The following ASTN2 variants were observed in gnomAD, a reference collection of about 807,000 sequenced individuals.
The protein encoded by ASTN2 is astrotactin-2.
A neutral mutation model predicts 139.8 loss-of-function variants in ASTN2; 54 were observed. That is an observed-to-expected ratio of 0.39 (90% CI 0.31 to 0.48). The LOEUF (loss-of-function observed/expected upper bound fraction) is 0.48. ASTN2 is among the 20% of genes least tolerant of loss of function. The probability of loss-of-function intolerance (pLI) is 0.95; values close to 1 mark genes in which losing one functional copy is unlikely to be tolerated. For missense variants in ASTN2, 1,565 were observed against 1,725.1 expected (o/e 0.91, Z 1.64); for synonymous variants, 756 against 719.5 (o/e 1.05, Z -0.81).
intron 3 of ASTN2, among the ~76,000 whole-genome samples, chr9:117,167,954 G>C (rs918979339): frequency 2.0e-5 from 3 of 152,138 alleles, no homozygotes; most frequent in Admixed American, 2.0e-4. Context: ...TTTTAGAGAG[G>C]TTATCAAGGT....
intron 1 of ASTN2, among the ~76,000 whole-genome samples, chr9:117,299,911 C>T (rs573571176): frequency 6.2e-4 from 94 of 152,266 alleles, no homozygotes; most frequent in Non-Finnish European, 1.1e-3. Context: ...CTCTACAGCA[C>T]CTGACTGGTA....
intron 6 of ASTN2, among the ~76,000 whole-genome samples, chr9:117,012,182 C>T (rs1045996066): frequency 2.0e-5 from 3 of 152,174 alleles, no homozygotes; most frequent in African/African-American, 7.2e-5. Context: ...AATGCCTCCA[C>T]GTTGATCTCA....
chr9:116,948,431 C>T (rs1835458337), intron 10 of ASTN2, among the ~76,000 whole-genome samples: 1 of 152,130 alleles, frequency 6.6e-6, no homozygotes, highest in African/African-American at 2.4e-5. Context: ...CCCAAGCTAA[C>T]TCCTAGGTCT....
chr9:117,017,686 G>GT (rs1033340846), intron 6 of ASTN2, among the ~76,000 whole-genome samples: 2 of 151,992 alleles, frequency 1.3e-5, no homozygotes, highest in African/African-American at 4.8e-5. Context: ...AGGCCTTCAT[G>GT]TTTTTTTATT....
chr9:116,674,980 C>T (rs1299640346), intron 16 of ASTN2, among the ~76,000 whole-genome samples: 1 of 152,122 alleles, frequency 6.6e-6, no homozygotes, highest in East Asian at 1.9e-4. Flanking sequence ...ATTGCAATTC[C>T]CGTCTTGATG....
chr9:117,209,233 A>G (rs1246889678), intron 3 of ASTN2, among the ~76,000 whole-genome samples: 1 of 152,174 alleles, frequency 6.6e-6, no homozygotes, highest in Non-Finnish European at 1.5e-5. Context: ...AATGAACTAA[A>G]TTCCCCATTA....
At chr9:117,329,180 CTTT>C (rs749880987) in intron 1 of ASTN2, among the ~76,000 whole-genome samples, 4 of 82,548 alleles carry the variant, frequency 4.8e-5, no homozygotes, top group Non-Finnish European at 7.0e-5. Context: ...CTTCCAAGTT[CTTT>C]TTTTTTTTTT....
At chr9:117,051,534 A>G (rs577140551) in intron 5 of ASTN2, among the ~76,000 whole-genome samples, 2 of 152,128 alleles carry the variant, frequency 1.3e-5, no homozygotes, top group African/African-American at 4.8e-5. Context: ...TCCTACAACT[A>G]TAACCAGCTG....
chr9:116,944,433 C>G (rs1046165953), intron 10 of ASTN2, among the ~76,000 whole-genome samples: 1 of 151,960 alleles, frequency 6.6e-6, no homozygotes, highest in African/African-American at 2.4e-5. Context: ...GTAATCCCAG[C>G]ACTTTGGGAG....
intron 2 of ASTN2, among the ~76,000 whole-genome samples, chr9:117,263,923 T>A: frequency 6.6e-6 from 1 of 152,244 alleles, no homozygotes; most frequent in Non-Finnish European, 1.5e-5. Flanking sequence ...TCCCAGCACA[T>A]TGGGAGGCTG....
At chr9:116,614,134 A>G (rs1244097363) in intron 19 of ASTN2, among the ~76,000 whole-genome samples, 1 of 152,194 alleles carries the variant, frequency 6.6e-6, no homozygotes, top group East Asian at 1.9e-4. Context: ...TGCTTCAAAG[A>G]GAATAAAATA....
intron 19 of ASTN2, among the ~76,000 whole-genome samples, chr9:116,502,775 G>GAAGGAAGA (rs1849929883): frequency 8.5e-6 from 1 of 117,486 alleles, no homozygotes; most frequent in South Asian, 3.0e-4. Flanking sequence ...AGGAAGGAAG[G>GAAGGAAGA]AAGATGGAAG....
At chr9:116,808,479 T>C (rs1219702815) in intron 12 of ASTN2, among the ~76,000 whole-genome samples, 1 of 152,226 alleles carries the variant, frequency 6.6e-6, no homozygotes, top group East Asian at 1.9e-4. Flanking sequence ...TGGAGATCTT[T>C]TCAAAACACT....
At chr9:116,548,363 A>C (rs1432755754) in intron 19 of ASTN2, among the ~76,000 whole-genome samples, 3 of 152,234 alleles carry the variant, frequency 2.0e-5, no homozygotes, top group Non-Finnish European at 4.4e-5. Flanking sequence ...GACCAGCTCC[A>C]GGCCTCAGTG....
At chr9:116,910,504 C>T (rs918162244) in intron 10 of ASTN2, among the ~76,000 whole-genome samples, 7 of 152,168 alleles carry the variant, frequency 4.6e-5, no homozygotes, top group African/African-American at 9.7e-5. Context: ...TTACTTGACA[C>T]GCTTACATAC....
At chr9:117,028,426 G>GA (rs1435503245) in intron 6 of ASTN2, among the ~76,000 whole-genome samples, 3 of 152,274 alleles carry the variant, frequency 2.0e-5, no homozygotes, top group East Asian at 3.9e-4. Context: ...GGGGAAGGGG[G>GA]AGCAGGATGC....
chr9:117,217,189 G>A (rs1458243142), intron 2 of ASTN2, among the ~76,000 whole-genome samples: 1 of 152,168 alleles, frequency 6.6e-6, no homozygotes, highest in African/African-American at 2.4e-5. Flanking sequence ...TTCAAATTCA[G>A]CCTCCAGATG....
intron 16 of ASTN2, among the ~76,000 whole-genome samples, chr9:116,670,095 A>T (rs1308920063): frequency 6.6e-6 from 1 of 152,190 alleles, no homozygotes; most frequent in Non-Finnish European, 1.5e-5. Context: ...ATGAGCCACC[A>T]TGCCCAGCCT....
Position 116,555,156 on chromosome 9 carries a change from T to C in ASTN2, c.3355+63168A>G, listed in dbSNP as rs549856806. Among the ~76,000 whole-genome samples the C allele has an allele frequency of 4.6e-5, 7 of 152,308 alleles. No individual in the cohort carries two copies. In the South Asian group the frequency reaches 1.0e-3, roughly 23 times the overall value. On this transcript the variant is annotated intron_variant, in intron 19 of 22. Coordinates refer to ENST00000313400, the MANE Select transcript of ASTN2 (RefSeq NM_001365068.1). ...CTTGTAAGAGAGAAAAACGGGTCTA[T>C]AGAGACTGAAAAGGCTAAAGTGCCC...
Sources: gnomAD v4.1 joint callset for allele counts (sites outside exome capture counted in the v4.1 genomes callset) on GRCh38, gnomAD v4.1.1 for gene constraint, MANE v1.5 for transcripts, NCBI Gene and HGNC (gene_info 2026-07-23, HGNC 2026-07-21) for gene names.